The following MUC22 variants were observed in gnomAD, a reference collection of about 807,000 sequenced individuals.
MUC22 encodes the protein mucin-22.
In MUC22, 24 loss-of-function variants were observed where a neutral mutation model predicts 40.3. The observed-to-expected ratio is 0.60, with a 90% CI of 0.43 to 0.84. MUC22 has a LOEUF of 0.84. Ranked by LOEUF, MUC22 falls within the 40% of genes least tolerant of loss-of-function variation. MUC22 has a pLI of 0.00. For missense variants in MUC22, 1,926 were observed against 2,130.7 expected (o/e 0.90, Z 1.89); for synonymous variants, 765 against 844.5 (o/e 0.91, Z 1.63).
intron 1 of MUC22, 115 bp downstream of exon 1, chr6:31,010,891 ATTT>A (rs3084544): frequency 0.37 from 201,671 of 540,030 alleles, 14,792 homozygotes; most frequent in Admixed American, 0.4. Flanking sequence ...ATGATGATTC[ATTT>A]TTTTTTTTTT....
At chr6:31,028,247 C>G in exon 2 of MUC22, 1 of 1,535,068 alleles carries the variant, frequency 6.5e-7, no homozygotes, top group South Asian at 1.2e-5. Flanking sequence ...ACAGTCTCTA[C>G]TGAAGGCTCT....
intron 3 of MUC22, among the ~76,000 whole-genome samples, chr6:31,033,902 C>A (rs59356242): frequency 0.021 from 3,149 of 152,306 alleles, 70 homozygotes; most frequent in South Asian, 0.082. Context: ...TTTTAGAATT[C>A]TCAGCCTCTC....
intron 3 of MUC22, among the ~76,000 whole-genome samples, 155 bp from the exon 4 acceptor site, chr6:31,034,517 A>G (rs1453877028): frequency 6.6e-6 from 1 of 152,260 alleles, no homozygotes; most frequent in Non-Finnish European, 1.5e-5. Flanking sequence ...AAAGAGAGAC[A>G]GAGACAGAGA....
intron 1 of MUC22, among the ~76,000 whole-genome samples, chr6:31,020,682 G>A (rs1764621155): frequency 6.6e-6 from 1 of 152,188 alleles, no homozygotes; most frequent in South Asian, 2.1e-4. Flanking sequence ...GGCTGGCCGA[G>A]GCCAGAGCCG....
intron 1 of MUC22, among the ~76,000 whole-genome samples, chr6:31,024,404 G>A (rs1765105575): frequency 2.4e-5 from 1 of 42,134 alleles, no homozygotes; most frequent in Admixed American, 1.8e-4. Context: ...GACAGATTCA[G>A]GGAAAAGGGT....
rs1244804837 is a variant in MUC22, at chr6:31,032,624, G to A, written c.5055+43G>A. The A allele has an allele frequency of 4.0e-6, 6 of 1,497,956 alleles. No individual in the cohort carries two copies. In the African/African-American group the frequency reaches 5.5e-5, roughly 14 times the overall value. The allele number at this position is 1,497,956 out of a possible 1,614,324, so 92.8% of individuals were successfully genotyped here. On this transcript the variant is annotated intron_variant, in intron 3 of 3. Coordinates refer to ENST00000561890, the Ensembl canonical transcript of MUC22. The surrounding 1 kb of genome is among the most constrained non-coding windows in gnomAD (Gnocchi z 4.1). ...GTTCATAGGGGAGCCTGGCAAGAAGGCAGGGGGGAATCATGTCAGCAGTGC... is the reference window on the plus strand; with the variant it reads ...GTTCATAGGGGAGCCTGGCAAGAAGACAGGGGGGAATCATGTCAGCAGTGC...
At chr6:31,028,839 C>A in exon 2 of MUC22, 1 of 1,532,704 alleles carries the variant, frequency 6.5e-7, no homozygotes. Context: ...CTGAGACCAC[C>A]ACAGCCTCTA....
intron 1 of MUC22, among the ~76,000 whole-genome samples, chr6:31,012,016 G>A (rs9366764): frequency 0.12 from 18,341 of 152,172 alleles, 1,321 homozygotes; most frequent in East Asian, 0.33. Context: ...ACAGCCCAGG[G>A]GAGAAGTGAA....
intron 1 of MUC22, among the ~76,000 whole-genome samples, chr6:31,021,152 G>A (rs1764700509): frequency 6.6e-6 from 1 of 152,280 alleles, no homozygotes; most frequent in Non-Finnish European, 1.5e-5. Context: ...CGGCCCCGGG[G>A]CGGGATCCAC....
exon 2 of MUC22, chr6:31,027,469 A>C (rs972303010): frequency 2.0e-6 from 3 of 1,531,578 alleles, no homozygotes; most frequent in African/African-American, 2.8e-5. Flanking sequence ...TGCAGTCTCC[A>C]CCACAGTCTT....
rs1351668798 is a variant in MUC22 at position 31,026,464 on chromosome 6, T to C, written c.1033T>C (p.Ser345Pro). 6.0e-6 allele frequency: 9 copies of C among 1,506,082 alleles called. 2 individuals are homozygous for C. In the South Asian group the frequency reaches 9.8e-5, roughly 16 times the overall value. The allele number at this position is 1,506,082 out of a possible 1,614,324, so 93.3% of individuals were successfully genotyped here. A position where few individuals can be genotyped will look rare whatever the true frequency, so the allele number is the denominator to read the frequency against. Residue 345 changes from serine (S) to proline (P), a missense_variant, in exon 2 of 4, where the codon TCT becomes CCT. Physicochemically the swap from Ser to Pro is moderately conservative, Grantham distance 74 (BLOSUM62 -1). This residue lies in a region of MUC22 where 1,281 missense variants were observed against 1,337.8 expected (regional missense o/e 0.96). Transcript: ENST00000561890. ...GACCACCACAGCTTCTATGGCAGGC[T>C]CTGAGACCACCGTCTCCACTGCAGG...
chr6:31,029,365 G>A (rs993540241), exon 2 of MUC22: 2 of 1,535,084 alleles, frequency 1.3e-6, no homozygotes, highest in Non-Finnish European at 1.7e-6. Flanking sequence ...CTCTACTGAA[G>A]GCTCTGAGAC....
At chr6:31,033,301 AAG>A (rs1011328674) in intron 3 of MUC22, among the ~76,000 whole-genome samples, 9 of 150,752 alleles carry the variant, frequency 6.0e-5, no homozygotes, top group Non-Finnish European at 1.3e-4. Context: ...CTGAGAGAGA[AAG>A]AGAAAGAAAA....
chr6:31,020,981 G>T (rs1039811126), intron 1 of MUC22, among the ~76,000 whole-genome samples: 2 of 152,218 alleles, frequency 1.3e-5, no homozygotes, highest in Admixed American at 1.3e-4. Context: ...GGGACCTGCA[G>T]CCCGCCATGC....
intron 1 of MUC22, among the ~76,000 whole-genome samples, chr6:31,021,844 G>A (rs1177439925): frequency 7.9e-5 from 12 of 152,106 alleles, no homozygotes; most frequent in Non-Finnish European, 1.2e-4. Context: ...CAACCTGCTT[G>A]GGTCGTTTTC....
At chr6:31,024,078 C>T (rs1448023130) in intron 1 of MUC22, among the ~76,000 whole-genome samples, 2 of 152,154 alleles carry the variant, frequency 1.3e-5, no homozygotes, top group Non-Finnish European at 2.9e-5. Flanking sequence ...CATGATGAAA[C>T]ATTACAAAAA....
At chr6:31,025,973 C>T in exon 2 of MUC22, 1 of 1,534,350 alleles carries the variant, frequency 6.5e-7, no homozygotes, top group South Asian at 1.2e-5. Context: ...GCCTCCACCA[C>T]AGGCTCTGAG....
chr6:31,027,823 G>A (rs1338789179), exon 2 of MUC22: 5 of 1,534,602 alleles, frequency 3.3e-6, no homozygotes, highest in Non-Finnish European at 4.4e-6. Context: ...GACCACTACA[G>A]TTTCCACCAC....
exon 2 of MUC22, chr6:31,029,228 C>G (rs997791830): frequency 2.0e-6 from 3 of 1,535,528 alleles, no homozygotes; most frequent in Non-Finnish European, 2.6e-6. Flanking sequence ...TCTGAGACCA[C>G]CACAGTCTCT....
Sources: gnomAD v4.1 joint callset for allele counts (sites outside exome capture counted in the v4.1 genomes callset) on GRCh38, gnomAD v4.1.1 for gene constraint, gnomAD v4.1.1 regional missense constraint, Gnocchi (gnomAD v3.1) non-coding constraint, MANE v1.5 for transcripts, NCBI Gene and HGNC (gene_info 2026-07-23, HGNC 2026-07-21) for gene names.